The following CFAP20DC variants were observed in gnomAD, a reference collection of about 807,000 sequenced individuals.
CFAP20DC encodes the protein CFAP20 domain containing, also known as protein CFAP20DC.
Under a neutral mutation model 101.7 loss-of-function variants are expected in CFAP20DC, and 84 were observed. The observed-to-expected ratio is 0.83, with a 90% CI of 0.69 to 0.99. The LOEUF is 0.99. CFAP20DC is among the 50% of genes least tolerant of loss of function. The pLI is 0.00. For missense variants in CFAP20DC, 1,007 were observed against 970.3 expected (o/e 1.04, Z -0.50); for synonymous variants, 359 against 351.2 (o/e 1.02, Z -0.25).
intron 12 of CFAP20DC, among the ~76,000 whole-genome samples, chr3:58,856,653 A>T (rs558148393): frequency 1.6e-4 from 24 of 152,358 alleles, no homozygotes; most frequent in African/African-American, 4.8e-4. Context: ...CTAAATCACT[A>T]GGTAATAGAG....
intron 13 of CFAP20DC, among the ~76,000 whole-genome samples, chr3:58,835,842 T>G (rs2076700478): frequency 6.6e-6 from 1 of 152,196 alleles, no homozygotes; most frequent in Non-Finnish European, 1.5e-5. Flanking sequence ...TGCATTAAAG[T>G]GGACTCCAGC....
intron 4 of CFAP20DC, among the ~76,000 whole-genome samples, chr3:59,022,901 T>C (rs1047561669): frequency 6.6e-6 from 1 of 152,092 alleles, no homozygotes; most frequent in African/African-American, 2.4e-5. Flanking sequence ...AAACATTTAC[T>C]TGAATATATT....
At position 58,831,777 on chromosome 3, in the gene CFAP20DC, T is replaced by C. The variant is rs1429235543; in HGVS notation, c.2084A>G (p.His695Arg). The C allele has an allele frequency of 4.3e-6, 7 of 1,613,914 alleles. No homozygotes were observed. Among genetic ancestry groups the C allele is most frequent in the Non-Finnish European group, 3.4e-6 (4 of 1,179,920 alleles). Residue 695 changes from histidine to arginine, a missense_variant, in exon 14 of 17, where the codon CAT becomes CGT. Coordinates refer to ENST00000482387, the MANE Select transcript of CFAP20DC (RefSeq NM_001394063.1). Reference sequence around the variant, plus strand: ...GTCCACCTGGGAGGCACTCAGGCCATGGGAGGTCCCAGCATCCTCCAGTTC... The same window carrying C: ...GTCCACCTGGGAGGCACTCAGGCCACGGGAGGTCCCAGCATCCTCCAGTTC... Reference protein sequence around the residue: ...NEELEDAGTSHGLSASQVDNC... With the variant: ...NEELEDAGTSRGLSASQVDNC...
intron 15 of CFAP20DC, among the ~76,000 whole-genome samples, chr3:58,785,691 C>A (rs924883131): frequency 4.6e-5 from 7 of 152,222 alleles, no homozygotes; most frequent in African/African-American, 1.2e-4. Flanking sequence ...CCTCCCATAA[C>A]GGGTTTGCTT....
At chr3:58,895,196 A>G (rs2082569461) in intron 6 of CFAP20DC, among the ~76,000 whole-genome samples, 1 of 152,236 alleles carries the variant, frequency 6.6e-6, no homozygotes, top group South Asian at 2.1e-4. Flanking sequence ...CAATTTCTGC[A>G]GCCAGCTGGC....
intron 16 of CFAP20DC, among the ~76,000 whole-genome samples, chr3:58,753,383 A>G (rs2068706850): frequency 6.6e-6 from 1 of 152,218 alleles, no homozygotes; most frequent in Non-Finnish European, 1.5e-5. Context: ...GAATCTTCAC[A>G]AGGAATAATC....
intron 4 of CFAP20DC, among the ~76,000 whole-genome samples, chr3:58,998,812 T>C (rs2093219173): frequency 6.6e-6 from 1 of 152,214 alleles, no homozygotes; most frequent in Non-Finnish European, 1.5e-5. Flanking sequence ...AGTCTACCTA[T>C]TGCCCACATG....
chr3:58,719,637 C>T (rs1355436780), intron 3 of CFAP20DC, among the ~76,000 whole-genome samples: 2 of 152,146 alleles, frequency 1.3e-5, no homozygotes, highest in Non-Finnish European at 2.9e-5. Flanking sequence ...CTTGTTTTTA[C>T]CCACCTCTTG....
At chr3:58,900,995 T>C (rs1221597235) in intron 6 of CFAP20DC, among the ~76,000 whole-genome samples, 1 of 152,222 alleles carries the variant, frequency 6.6e-6, no homozygotes, top group Non-Finnish European at 1.5e-5. Flanking sequence ...GTGAGATTTA[T>C]AGATCGGTTT....
intron 1 of CFAP20DC, among the ~76,000 whole-genome samples, 187 bp downstream of exon 1, chr3:59,049,424 T>C (rs1700131926): frequency 6.6e-6 from 1 of 152,212 alleles, no homozygotes; most frequent in Non-Finnish European, 1.5e-5. Flanking sequence ...AGCCAAATCA[T>C]ACGCCTAGAC....
intron 4 of CFAP20DC, among the ~76,000 whole-genome samples, chr3:58,945,062 C>T (rs1299960993): frequency 6.6e-6 from 1 of 152,140 alleles, no homozygotes; most frequent in African/African-American, 2.4e-5. Flanking sequence ...ACTCTATATA[C>T]TTTATCTAAT....
chr3:58,991,359 C>A (rs916895040), intron 4 of CFAP20DC, among the ~76,000 whole-genome samples: 1 of 152,144 alleles, frequency 6.6e-6, no homozygotes, highest in Non-Finnish European at 1.5e-5. Context: ...CTAAAGGCTA[C>A]ATATGAAACA....
rs2074543851 is a variant in CFAP20DC, at chr3:58,810,717, G to A, written c.2176-4261C>T. 2.0e-5 allele frequency among the ~76,000 whole-genome samples: 3 copies of A among 148,704 alleles called. 1 individual carries two copies. Among genetic ancestry groups the A allele is most frequent in the South Asian group, 4.3e-4 (2 of 4,656 alleles). ...AGTTCTGGCCAGGGCAATTAGGCAG[G>A]AGAAGAAAATAAAGGGTATTCAATT... On this transcript the variant is annotated intron_variant, in intron 14 of 16. Coordinates refer to ENST00000482387, the MANE Select transcript of CFAP20DC (RefSeq NM_001394063.1).
chr3:58,914,591 T>C lies in CFAP20DC; in HGVS notation c.394-727A>G, dbSNP rs1371502377. On this transcript the variant is annotated intron_variant, in intron 5 of 16. Coordinates refer to ENST00000482387, the MANE Select transcript of CFAP20DC (RefSeq NM_001394063.1). This position sits in a 1 kb window ranked among gnomAD's most constrained non-coding sequence, Gnocchi z 4.9. ...ATAATTTTTGAAATGAAAAGTAGTA[T>C]TAAAGTTTTATGTGCTTCTTTTAAA... is the stretch of plus-strand genomic sequence containing the variant. 6.6e-6 allele frequency among the ~76,000 whole-genome samples: 1 copy of C among 151,736 alleles called. No homozygotes were observed. The highest frequency in any genetic ancestry group is 1.9e-4 in the East Asian group (1 of 5,188).
At position 58,869,459 on chromosome 3, in the gene CFAP20DC, C is replaced by A. The variant is rs751925163; in HGVS notation, c.884G>T (p.Arg295Leu). 6.2e-7 allele frequency: 1 copy of A among 1,612,388 alleles called. No homozygotes were observed. Among genetic ancestry groups the A allele is most frequent in the South Asian group, 1.1e-5 (1 of 90,680 alleles). The change falls in exon 9 of 17, where the codon CGA becomes CTA. Residue 295 changes from arginine (R) to leucine (L), a missense_variant. Arg to Leu is a moderately radical substitution (Grantham distance 102). Transcript: ENST00000482387. This position sits in a 1 kb window ranked among gnomAD's most constrained non-coding sequence, Gnocchi z 4.3. ...TVRSVGSKNN[R>L]SCQPSTVEKC... ...CTCTACAGTGGACGGCTGGCATGAT[C>A]GGTTATTTTTGGACCCAACGGATCT...
intron 13 of CFAP20DC, among the ~76,000 whole-genome samples, chr3:58,842,999 G>A (rs1005840933): frequency 7.9e-5 from 12 of 152,240 alleles, no homozygotes; most frequent in African/African-American, 2.2e-4. Flanking sequence ...CATCCACACC[G>A]AAAACCCATC....
At chr3:58,958,677 T>A (rs984535247) in intron 4 of CFAP20DC, among the ~76,000 whole-genome samples, 1 of 152,210 alleles carries the variant, frequency 6.6e-6, no homozygotes, top group Non-Finnish European at 1.5e-5. Flanking sequence ...TATCTCATTA[T>A]GGCTTTAATT....
chr3:58,816,740 C>A (rs368616487), intron 14 of CFAP20DC, among the ~76,000 whole-genome samples: 1,980 of 152,222 alleles, frequency 0.013, 44 homozygotes, highest in African/African-American at 0.045. Context: ...CCCAGGCTTG[C>A]TTAGGTAAAC....
At chr3:58,804,921 T>C (rs558232957) in intron 15 of CFAP20DC, among the ~76,000 whole-genome samples, 5 of 152,294 alleles carry the variant, frequency 3.3e-5, no homozygotes, top group East Asian at 1.9e-4. Flanking sequence ...CTAGGTAACA[T>C]GAACAAATAA....
Sources: gnomAD v4.1 joint callset for allele counts (sites outside exome capture counted in the v4.1 genomes callset) on GRCh38, gnomAD v4.1.1 for gene constraint, Gnocchi (gnomAD v3.1) non-coding constraint, MANE v1.5 for transcripts, NCBI Gene and HGNC (gene_info 2026-07-23, HGNC 2026-07-21) for gene names.